The following GPC4 variants were observed in gnomAD, a reference collection of about 807,000 sequenced individuals.
GPC4 encodes glypican 4.
Under a neutral mutation model 35.0 loss-of-function variants are expected in GPC4, and 10 were observed. The observed-to-expected ratio is 0.29, with a 90% CI of 0.18 to 0.48. The LOEUF is 0.48. Among genes scored for constraint, GPC4 ranks in the 20% least tolerant of loss-of-function variants. The pLI is 0.99. For missense variants in GPC4, 322 were observed against 451.3 expected (o/e 0.71, Z 2.60); for synonymous variants, 167 against 170.2 (o/e 0.98, Z 0.15).
intron 1 of GPC4, among the ~76,000 whole-genome samples, chrX:133,381,814 G>A (rs1028340212): frequency 2.1e-4 from 24 of 112,032 alleles, no homozygotes; most frequent in African/African-American, 7.8e-4. Flanking sequence ...ATTTGGCATA[G>A]CATGGTGATT....
At chrX:133,368,008 T>A (rs1431737688) in intron 1 of GPC4, among the ~76,000 whole-genome samples, 3 of 112,009 alleles carry the variant, frequency 2.7e-5, no homozygotes, top group Admixed American at 1.9e-4. Flanking sequence ...CCCAGCACTT[T>A]GAGAGGCAGA....
intron 1 of GPC4, among the ~76,000 whole-genome samples, chrX:133,402,039 T>C (rs1270069762): frequency 2.7e-5 from 3 of 112,231 alleles, no homozygotes; most frequent in African/African-American, 6.5e-5. Context: ...AATTTGACTA[T>C]AAATTGTAAG....
chrX:133,391,167 T>C (rs1356619558), intron 1 of GPC4, among the ~76,000 whole-genome samples: 4 of 112,199 alleles, frequency 3.6e-5, no homozygotes, highest in African/African-American at 1.3e-4. Context: ...ATCATCTGCC[T>C]ACGCTTATGA....
At chrX:133,308,750 T>G (rs1172859357) in intron 4 of GPC4, among the ~76,000 whole-genome samples, 1 of 109,909 alleles carries the variant, frequency 9.1e-6, no homozygotes, top group Non-Finnish European at 1.9e-5. Flanking sequence ...TGGCACTGAG[T>G]TTCCCCCCAT....
At chrX:133,360,035 TG>T (rs941111945) in intron 1 of GPC4, among the ~76,000 whole-genome samples, 20 of 109,124 alleles carry the variant, frequency 1.8e-4, no homozygotes, top group African/African-American at 5.7e-4. Flanking sequence ...AGGCCTATGC[TG>T]GGGGGGGAGA....
intron 1 of GPC4, among the ~76,000 whole-genome samples, chrX:133,356,019 C>A (rs897872584): frequency 9.0e-6 from 1 of 111,682 alleles, no homozygotes; most frequent in African/African-American, 3.3e-5. Context: ...TATAACTTAC[C>A]CAGCCTCCAG....
At chrX:133,356,720 C>T (rs1016294365) in intron 1 of GPC4, among the ~76,000 whole-genome samples, 4 of 111,605 alleles carry the variant, frequency 3.6e-5, no homozygotes, top group South Asian at 3.8e-4. Flanking sequence ...GAACCATGAG[C>T]CAAATAAATC....
intron 1 of GPC4, among the ~76,000 whole-genome samples, chrX:133,402,162 C>G: frequency 8.9e-6 from 1 of 112,336 alleles, no homozygotes; most frequent in Non-Finnish European, 1.9e-5. Context: ...TAACTGCTAA[C>G]CACATGCTTT....
Position 133,311,607 on chromosome X carries a change from G to A in GPC4, c.712-184C>T. ...TAGATAAAAGATACATGTTGGGACA[G>A]GGGAGAGGAGGGAGATGACCCAAAA... On this transcript the variant is annotated intron_variant, in intron 3 of 8. Coordinates refer to ENST00000370828, the MANE Select transcript of GPC4 (RefSeq NM_001448.3). 1.3e-5 allele frequency: 6 copies of A among 474,858 alleles called. No individual in the cohort carries two copies. The South Asian group carries it at 1.5e-4, about 12-fold the overall frequency. 39.1% of individuals were successfully genotyped at this position (474,858 alleles called of 1,213,427 possible).
At chrX:133,303,523 C>T (rs765062987) in intron 7 of GPC4, among the ~76,000 whole-genome samples, 182 bp from the exon 8 acceptor site, 4 of 111,717 alleles carry the variant, frequency 3.6e-5, no homozygotes, top group Non-Finnish European at 5.6e-5. Context: ...TCTTTAATTC[C>T]TAATGAACTC....
intron 3 of GPC4, among the ~76,000 whole-genome samples, chrX:133,322,550 ACT>A (rs780354600): frequency 1.2e-5 from 1 of 84,266 alleles, no homozygotes; most frequent in East Asian, 3.7e-4. Flanking sequence ...ACAGAGTGAG[ACT>A]CTATCAAAAA....
At chrX:133,340,640 G>A (rs916931224) in intron 1 of GPC4, among the ~76,000 whole-genome samples, 6 of 112,326 alleles carry the variant, frequency 5.3e-5, no homozygotes, top group Non-Finnish European at 9.4e-5. Flanking sequence ...TTGGCCATGT[G>A]TACTTACAGG....
chrX:133,349,262 C>T (rs2068506365), intron 1 of GPC4, among the ~76,000 whole-genome samples: 1 of 112,245 alleles, frequency 8.9e-6, no homozygotes, highest in South Asian at 3.8e-4. Context: ...TCACAGAAGA[C>T]CTCGGAGAAA....
intron 1 of GPC4, among the ~76,000 whole-genome samples, chrX:133,380,340 G>A (rs372484400): frequency 9.6e-6 from 1 of 104,427 alleles, no homozygotes; most frequent in Non-Finnish European, 2.0e-5. Context: ...CTGTCTGCCC[G>A]CACCACCCCC....
intron 1 of GPC4, among the ~76,000 whole-genome samples, chrX:133,388,219 C>G (rs1419940507): frequency 8.9e-6 from 1 of 112,150 alleles, no homozygotes; most frequent in Non-Finnish European, 1.9e-5. Context: ...ACGTACCTGT[C>G]AGTGACCGGT....
chrX:133,380,106 G>A (rs746824412), intron 1 of GPC4, among the ~76,000 whole-genome samples: 106 of 110,682 alleles, frequency 9.6e-4, no homozygotes, highest in Non-Finnish European at 1.7e-3. Context: ...GGAGGCCAAG[G>A]TGGGAGGATC....
intron 1 of GPC4, among the ~76,000 whole-genome samples, chrX:133,396,261 C>G (rs1308971926): frequency 9.0e-6 from 1 of 111,712 alleles, no homozygotes; most frequent in Non-Finnish European, 1.9e-5. Flanking sequence ...TGACACAACT[C>G]TCTGATCACA....
chrX:133,383,890 G>A (rs905821469), intron 1 of GPC4, among the ~76,000 whole-genome samples: 1 of 111,820 alleles, frequency 8.9e-6, no homozygotes, highest in Non-Finnish European at 1.9e-5. Context: ...GACTTTGGGT[G>A]ATGATGATGA....
chrX:133,322,974 A>G (rs1387951881), intron 3 of GPC4, among the ~76,000 whole-genome samples: 1 of 111,478 alleles, frequency 9.0e-6, no homozygotes, highest in Non-Finnish European at 1.9e-5. Context: ...TTCAGATTTC[A>G]TTTGGGGGAG....
Sources: allele counts gnomAD v4.1 joint callset (sites outside exome capture counted in the v4.1 genomes callset), GRCh38; gene constraint gnomAD v4.1.1; transcripts MANE v1.5; gene names NCBI Gene and HGNC (gene_info 2026-07-23, HGNC 2026-07-21).